Variants in TLL1 observed in about 807,000 individuals in gnomAD.
TLL1 encodes tolloid-like protein 1.
In TLL1, 49 loss-of-function variants were observed where a neutral mutation model predicts 128.2. That is an observed-to-expected ratio of 0.38 (90% CI 0.30 to 0.48). The LOEUF (loss-of-function observed/expected upper bound fraction) is 0.48, where lower values mean the gene tolerates loss of function less well. Among genes scored for constraint, TLL1 ranks in the 20% least tolerant of loss-of-function variants. TLL1 has a pLI of 0.96. For synonymous variants in TLL1, 454 were observed against 418.8 expected, an observed-to-expected ratio of 1.08 and a Z score of -1.03; for missense variants, 1,123 against 1,242.0, an observed-to-expected ratio of 0.90 and a Z score of 1.44.
chr4:166,099,299 A>G lies in TLL1; in HGVS notation c.2679A>G (p.Ala893=). ...HSTECGGRLK[A]ESKPRDLYSH... ...CAGAGTGTGGCGGACGATTGAAAGC[A>G]GAATCAAAACCAAGAGATCTGTACT... The change falls in exon 20 of 21, where the codon GCA becomes GCG. Residue 893 remains alanine, a synonymous_variant. Transcript: ENST00000061240. The G allele has an allele frequency of 6.2e-7, 1 of 1,613,528 alleles. No individual in the cohort carries two copies. Among genetic ancestry groups the G allele is most frequent in the Middle Eastern group, 1.7e-4 (1 of 6,056 alleles).
chr4:165,989,860 G>T (rs1579589402), intron 2 of TLL1, among the ~76,000 whole-genome samples: 1 of 151,798 alleles, frequency 6.6e-6, no homozygotes, highest in African/African-American at 2.4e-5. Flanking sequence ...TCATCAGGAA[G>T]TGGCCATGTC....
At chr4:165,980,882 C>T (rs1240453645) in intron 1 of TLL1, among the ~76,000 whole-genome samples, 2 of 152,002 alleles carry the variant, frequency 1.3e-5, no homozygotes, top group Non-Finnish European at 2.9e-5. Flanking sequence ...TAAATTGTCT[C>T]AATGTCTGAG....
rs75379689 is a variant in TLL1, at chr4:165,962,174, T to C, written c.170-27207T>C. 5.2e-3 allele frequency among the ~76,000 whole-genome samples: 798 copies of C among 152,222 alleles called. 12 individuals are homozygous for C. Among genetic ancestry groups the C allele is most frequent in the African/African-American group, 0.018 (738 of 41,562 alleles). On this transcript the variant is annotated intron_variant, in intron 1 of 20. Transcript: ENST00000061240. ...TGGGAGAAAATATTTTCAAACTGTTTATCTAAAAAGGACCTAATATTCAGA... is the reference window on the plus strand; with the variant it reads ...TGGGAGAAAATATTTTCAAACTGTTCATCTAAAAAGGACCTAATATTCAGA...
Position 166,091,175 on chromosome 4 carries a change from C to T in TLL1, c.2490C>T (p.Asp830=). Residue 830 remains aspartate, a synonymous_variant, in exon 19 of 21, where the codon GAC becomes GAT. Transcript: ENST00000061240. ...AGCAGCATCAAGAATGTGCTTATGACCACTTAGAAGTATTTGATGGAGAAA... is the reference window on the plus strand; with the variant it reads ...AGCAGCATCAAGAATGTGCTTATGATCACTTAGAAGTATTTGATGGAGAAA... ...EIEQHQECAY[D]HLEVFDGETE... 6.2e-7 allele frequency: 1 copy of T among 1,613,100 alleles called. No individual in the cohort carries two copies. The highest frequency in any genetic ancestry group is 8.5e-7 in the Non-Finnish European group (1 of 1,179,466).
intron 1 of TLL1, among the ~76,000 whole-genome samples, chr4:165,885,583 A>G (rs934385863): frequency 1.3e-5 from 2 of 151,200 alleles, no homozygotes; most frequent in African/African-American, 4.9e-5. Flanking sequence ...ATTACTTCTG[A>G]AAACAAACAA....
intron 19 of TLL1, among the ~76,000 whole-genome samples, chr4:166,092,880 A>T (rs1467777565): frequency 6.6e-6 from 1 of 152,116 alleles, no homozygotes; most frequent in East Asian, 1.9e-4. Flanking sequence ...ACTTTTGAAA[A>T]GATCATTTCT....
intron 1 of TLL1, among the ~76,000 whole-genome samples, chr4:165,938,591 C>T (rs1222141463): frequency 2.6e-5 from 4 of 152,048 alleles, no homozygotes; most frequent in Admixed American, 1.3e-4. Context: ...CATCTTGACA[C>T]CTTTTTTAAA....
intron 1 of TLL1, among the ~76,000 whole-genome samples, chr4:165,892,511 C>T (rs1490934797): frequency 6.6e-6 from 1 of 152,198 alleles, no homozygotes; most frequent in Non-Finnish European, 1.5e-5. Flanking sequence ...GTGCCATTCA[C>T]TAATTAATTG....
intron 1 of TLL1, among the ~76,000 whole-genome samples, chr4:165,905,348 T>G (rs1275369847): frequency 6.6e-6 from 1 of 152,182 alleles, no homozygotes; most frequent in Non-Finnish European, 1.5e-5. Context: ...TGTTAGAACG[T>G]GGATTACTTT....
Position 165,918,564 on chromosome 4 carries a change from G to T in TLL1, c.169+44491G>T, listed in dbSNP as rs188241158. Among the ~76,000 whole-genome samples the T allele has an allele frequency of 4.2e-3, 622 of 149,006 alleles. 5 individuals are homozygous for T. The highest frequency in any genetic ancestry group is 0.013 in the African/African-American group (534 of 40,688). ...ATCAATTATAAAAAACATTTTCTGG[G>T]TTTTTTTTTTCTTTTCCACTGTTTC... is the stretch of plus-strand genomic sequence containing the variant. On this transcript the variant is annotated intron_variant, in intron 1 of 20. Coordinates refer to ENST00000061240, the MANE Select transcript of TLL1 (RefSeq NM_012464.5).
chr4:165,914,675 G>T (rs917844288), intron 1 of TLL1, among the ~76,000 whole-genome samples: 4 of 152,134 alleles, frequency 2.6e-5, no homozygotes, highest in Non-Finnish European at 5.9e-5. Flanking sequence ...TCCCTTGGGG[G>T]TGACATGGAG....
intron 1 of TLL1, among the ~76,000 whole-genome samples, chr4:165,974,150 T>TTTTTA (rs1202027479): frequency 8.8e-5 from 10 of 113,224 alleles, no homozygotes; most frequent in South Asian, 2.6e-4. Context: ...TTTTTTTTTT[T>TTTTTA]TTTTTTTTGA....
intron 1 of TLL1, among the ~76,000 whole-genome samples, chr4:165,928,570 T>C (rs1194247729): frequency 1.3e-5 from 2 of 152,244 alleles, no homozygotes; most frequent in Non-Finnish European, 2.9e-5. Context: ...TGTTCTGGAA[T>C]GTTGAAAGCT....
chr4:165,898,993 T>C (rs1731822458), intron 1 of TLL1, among the ~76,000 whole-genome samples: 1 of 152,254 alleles, frequency 6.6e-6, no homozygotes, highest in Admixed American at 6.5e-5. Context: ...TCATTTCTTC[T>C]AGATTTTATA....
At chr4:166,065,045 T>C (rs529063638) in intron 15 of TLL1, among the ~76,000 whole-genome samples, 2 of 152,234 alleles carry the variant, frequency 1.3e-5, no homozygotes, top group African/African-American at 4.8e-5. Flanking sequence ...TGCTTAAGAA[T>C]ACCTGGCATT....
intron 1 of TLL1, among the ~76,000 whole-genome samples, chr4:165,915,412 C>A (rs923422350): frequency 6.6e-6 from 1 of 152,132 alleles, no homozygotes; most frequent in African/African-American, 2.4e-5. Flanking sequence ...ATGTTTATGA[C>A]GATTGAGTGA....
chr4:166,003,607 G>A, intron 6 of TLL1, 38 bp downstream of exon 6: 1 of 1,598,824 alleles, frequency 6.3e-7, no homozygotes, highest in Non-Finnish European at 8.6e-7. Context: ...AAGGCTGACT[G>A]GGTATCTTTG....
At chr4:166,067,952 C>A (rs576891129) in intron 16 of TLL1, among the ~76,000 whole-genome samples, 1 of 151,706 alleles carries the variant, frequency 6.6e-6, no homozygotes, top group Non-Finnish European at 1.5e-5. Flanking sequence ...ATGACCTTGG[C>A]AAATGGCATT....
Position 165,981,150 on chromosome 4 carries a change from GT to G in TLL1, c.170-8224del, listed in dbSNP as rs112412786. On this transcript the variant is annotated intron_variant, in intron 1 of 20. Transcript: ENST00000061240. ...GATAATTGCCTTCTTCCTCTATAGA[GT>G]TTTTTTCCCCCATGGTTCTTCTTGT... 3.2e-3 allele frequency among the ~76,000 whole-genome samples: 484 copies of G among 151,992 alleles called. 8 individuals are homozygous for G. The highest frequency in any genetic ancestry group is 0.011 in the African/African-American group (445 of 41,494).
Sources: allele counts gnomAD v4.1 joint callset (sites outside exome capture counted in the v4.1 genomes callset), GRCh38; gene constraint gnomAD v4.1.1; transcripts MANE v1.5; gene names NCBI Gene and HGNC (gene_info 2026-07-23, HGNC 2026-07-21).